RASGRF2: variants seen among roughly 807,000 people sequenced by gnomAD.
The protein encoded by RASGRF2 is Ras protein specific guanine nucleotide releasing factor 2.
A neutral mutation model predicts 151.0 loss-of-function variants in RASGRF2; 76 were observed. That is an observed-to-expected ratio of 0.50 (90% confidence interval 0.42 to 0.61). The LOEUF (loss-of-function observed/expected upper bound fraction) is 0.61, where lower values mean the gene tolerates loss of function less well. Ranked by LOEUF, RASGRF2 falls within the 20% of genes least tolerant of loss-of-function variation. The pLI, the probability that RASGRF2 is intolerant of heterozygous loss-of-function variation, is 0.00. For synonymous variants in RASGRF2, 504 were observed against 566.5 expected (o/e 0.89, Z 1.57); for missense variants, 1,148 against 1,564.6 (o/e 0.73, Z 4.49).
chr5:81,003,893 G>T (rs372615133), intron 1 of RASGRF2, among the ~76,000 whole-genome samples: 88 of 152,296 alleles, frequency 5.8e-4, no homozygotes, highest in African/African-American at 2.0e-3. Context: ...TGAGCCTTCT[G>T]AAATGTTTAC....
At chr5:81,070,173 A>T (rs570261364) in intron 3 of RASGRF2, 5 of 301,958 alleles carry the variant, frequency 1.7e-5, no homozygotes, top group Admixed American at 8.2e-5. Context: ...GGGGATGGAC[A>T]TATCACTGGA....
rs1753053876 is a variant in RASGRF2 at position 81,113,354 on chromosome 5, A to G, written c.2088-184A>G. 5 of 698,394 alleles carry G rather than the reference A, an allele frequency of 7.2e-6. No homozygotes were observed. In the Admixed American group the frequency reaches 8.8e-5, roughly 12 times the overall value. The allele number at this position is 698,394 out of a possible 1,614,324, so 43.3% of individuals were successfully genotyped here. ...GTAGCAAGGGATTAGACGATGCCTA[A>G]TAAGTGTCTGTGCTTCTTTGGCAGG... On this transcript the variant is annotated intron_variant, in intron 14 of 26. Coordinates refer to ENST00000265080, the MANE Select transcript of RASGRF2 (RefSeq NM_006909.3).
At position 80,995,885 on chromosome 5, in the gene RASGRF2, G is replaced by A. The variant is rs530891994; in HGVS notation, c.288+34859G>A. 2.6e-5 allele frequency among the ~76,000 whole-genome samples: 4 copies of A among 152,008 alleles called. No homozygotes were observed. In the South Asian group the frequency reaches 8.3e-4, roughly 32 times the overall value. On this transcript the variant is annotated intron_variant, in intron 1 of 26. Transcript: ENST00000265080. ...TTTTTGTATTTTTACTAGAGATGGTGTTTCATCGTGTTGGCCAGGCTGGTC... is the reference window on the plus strand; with the variant it reads ...TTTTTGTATTTTTACTAGAGATGGTATTTCATCGTGTTGGCCAGGCTGGTC...
chr5:81,110,908 A>G (rs1752974551), intron 13 of RASGRF2, among the ~76,000 whole-genome samples: 1 of 152,206 alleles, frequency 6.6e-6, no homozygotes, highest in Non-Finnish European at 1.5e-5. Context: ...CAAGATCAGT[A>G]ATGTAACTCA....
chr5:81,102,696 C>CAA (rs35561550), intron 12 of RASGRF2, among the ~76,000 whole-genome samples: 3 of 77,938 alleles, frequency 3.8e-5, no homozygotes, highest in African/African-American at 8.9e-5. Flanking sequence ...CTCTGTCTCC[C>CAA]AAAAAAAAAA....
At chr5:81,116,446 G>GT (rs766629001) in intron 15 of RASGRF2, among the ~76,000 whole-genome samples, 3 of 152,164 alleles carry the variant, frequency 2.0e-5, no homozygotes, top group Admixed American at 6.6e-5. Flanking sequence ...GCTTTGTCCT[G>GT]TTTTGACAGC....
At chr5:81,032,300 G>A (rs1227581306) in intron 1 of RASGRF2, among the ~76,000 whole-genome samples, 1 of 152,150 alleles carries the variant, frequency 6.6e-6, no homozygotes, top group Non-Finnish European at 1.5e-5. Context: ...ATTTTATGAG[G>A]CTAGCATCAT....
At chr5:80,969,930 G>A (rs966896045) in intron 1 of RASGRF2, among the ~76,000 whole-genome samples, 20 of 142,532 alleles carry the variant, frequency 1.4e-4, no homozygotes, top group South Asian at 4.6e-4. Context: ...GGGTTCAAGC[G>A]ATTCTCCTGC....
At chr5:81,001,142 T>A (rs1232708832) in intron 1 of RASGRF2, among the ~76,000 whole-genome samples, 1 of 152,232 alleles carries the variant, frequency 6.6e-6, no homozygotes, top group Non-Finnish European at 1.5e-5. Flanking sequence ...TTGTTTTCTG[T>A]TGTTCTTTGT....
At chr5:81,036,401 G>A (rs893097862) in intron 1 of RASGRF2, among the ~76,000 whole-genome samples, 2 of 151,768 alleles carry the variant, frequency 1.3e-5, no homozygotes, top group Non-Finnish European at 2.9e-5. Flanking sequence ...TGGAAATATT[G>A]TTATTAATTC....
intron 1 of RASGRF2, among the ~76,000 whole-genome samples, chr5:80,962,631 G>T (rs1280987579): frequency 6.6e-6 from 1 of 151,000 alleles, no homozygotes; most frequent in East Asian, 1.9e-4. Context: ...TTCAGTTAGG[G>T]GTGGGGAGTT....
chr5:81,167,612 A>G (rs750972894), intron 17 of RASGRF2, among the ~76,000 whole-genome samples: 2 of 152,204 alleles, frequency 1.3e-5, no homozygotes, highest in Non-Finnish European at 2.9e-5. Flanking sequence ...CGCAGGGCAC[A>G]GAATTGAAAA....
intron 3 of RASGRF2, among the ~76,000 whole-genome samples, chr5:81,068,434 A>G (rs1751679180): frequency 6.7e-6 from 1 of 149,854 alleles, no homozygotes; most frequent in African/African-American, 2.5e-5. Flanking sequence ...TGTTCTCCTG[A>G]TACCCTTCAT....
intron 7 of RASGRF2, among the ~76,000 whole-genome samples, chr5:81,082,367 G>A (rs1008026885): frequency 1.3e-5 from 2 of 152,066 alleles, no homozygotes; most frequent in Non-Finnish European, 1.5e-5. Context: ...TTCCTCTCCC[G>A]AAGACTATGC....
chr5:81,085,627 G>A (rs1381656000), intron 7 of RASGRF2, among the ~76,000 whole-genome samples, 175 bp from the exon 8 acceptor site: 5 of 151,888 alleles, frequency 3.3e-5, no homozygotes, highest in South Asian at 2.1e-4. Flanking sequence ...TTTTTGGTGT[G>A]CATGAAGTGT....
chr5:81,106,568 C>T (rs569760549), intron 12 of RASGRF2, among the ~76,000 whole-genome samples: 2 of 152,306 alleles, frequency 1.3e-5, no homozygotes, highest in Admixed American at 6.5e-5. Context: ...TTACTTTCTT[C>T]TCCATTATGA....
intron 17 of RASGRF2, among the ~76,000 whole-genome samples, chr5:81,169,503 A>T (rs550532528): frequency 2.6e-4 from 40 of 152,190 alleles, no homozygotes; most frequent in Admixed American, 9.8e-4. Flanking sequence ...ATGACTCCCA[A>T]TATCTGCCTC....
intron 22 of RASGRF2, among the ~76,000 whole-genome samples, chr5:81,210,740 A>G (rs887323344): frequency 2.0e-5 from 3 of 152,176 alleles, no homozygotes; most frequent in Admixed American, 6.5e-5. Context: ...AGCACAGCCC[A>G]TCTGTCACCC....
At chr5:81,114,648 C>T (rs1201436018) in intron 15 of RASGRF2, among the ~76,000 whole-genome samples, 1 of 152,210 alleles carries the variant, frequency 6.6e-6, no homozygotes, top group Non-Finnish European at 1.5e-5. Flanking sequence ...AGCCCCTGCT[C>T]CTGCCACGCT....
Sources: gnomAD v4.1 joint callset for allele counts (sites outside exome capture counted in the v4.1 genomes callset) on GRCh38, gnomAD v4.1.1 for gene constraint, MANE v1.5 for transcripts, NCBI Gene and HGNC (gene_info 2026-07-23, HGNC 2026-07-21) for gene names.